Variants in FAM171A1 observed in about 807,000 individuals in gnomAD.
FAM171A1 encodes the protein protein FAM171A1.
In FAM171A1, 23 loss-of-function variants were observed where a neutral mutation model predicts 74.9. The ratio of observed to expected loss-of-function variants is 0.31; its 90% CI spans 0.22 to 0.44. The LOEUF is 0.44. Ranked by LOEUF, FAM171A1 falls within the 20% of genes least tolerant of loss-of-function variation. FAM171A1 has a pLI of 1.00. For missense variants in FAM171A1, 1,162 were observed against 1,159.2 expected, an observed-to-expected ratio of 1.00 and a Z score of -0.03; for synonymous variants, 527 against 505.7, an observed-to-expected ratio of 1.04 and a Z score of -0.57.
Position 15,254,887 on chromosome 10 carries a change from G to GATTAACCTCCGAGTT in FAM171A1, c.419-23_419-9dup, listed in dbSNP as rs1564624125. ...GAGGCTGTGGCCGGGCACCTGCAGA[G>GATTAACCTCCGAGTT]ATTAACCTCCGAGTTATCTCCCCCA... On this transcript the variant is annotated splice_polypyrimidine_tract_variant and intron_variant, in intron 3 of 7. Transcript: ENST00000378116. The GATTAACCTCCGAGTT allele has an allele frequency of 6.2e-7, 1 of 1,610,480 alleles. No individual in the cohort carries two copies. The highest frequency in any genetic ancestry group is 8.5e-7 in the Non-Finnish European group (1 of 1,177,476).
chr10:15,317,131 G>A (rs530247690), intron 1 of FAM171A1, among the ~76,000 whole-genome samples: 19 of 152,228 alleles, frequency 1.2e-4, no homozygotes, highest in Non-Finnish European at 2.1e-4. Context: ...AGGACACAGG[G>A]AGGGGCCACC....
chr10:15,329,499 A>G (rs71485559), intron 1 of FAM171A1, among the ~76,000 whole-genome samples: 11,033 of 152,224 alleles, frequency 0.072, 511 homozygotes, highest in Middle Eastern at 0.11. Flanking sequence ...ACCTGTGCAC[A>G]TCTGGAGTCC....
intron 3 of FAM171A1, among the ~76,000 whole-genome samples, chr10:15,269,450 T>C (rs1022391009): frequency 1.3e-5 from 2 of 152,084 alleles, no homozygotes; most frequent in Non-Finnish European, 2.9e-5. Flanking sequence ...AGTATGCTCT[T>C]AGCACAGAAA....
intron 1 of FAM171A1, among the ~76,000 whole-genome samples, chr10:15,368,035 T>C (rs1394398878): frequency 1.3e-5 from 2 of 152,226 alleles, no homozygotes; most frequent in East Asian, 3.8e-4. Flanking sequence ...AATGGGTCAA[T>C]ACTTTTGAAC....
chr10:15,223,078 G>A (rs538391993), intron 5 of FAM171A1, among the ~76,000 whole-genome samples: 8 of 152,346 alleles, frequency 5.3e-5, no homozygotes, highest in Middle Eastern at 3.4e-3. Flanking sequence ...GGTGGCTCAC[G>A]CCTATAGTCC....
intron 1 of FAM171A1, among the ~76,000 whole-genome samples, chr10:15,320,583 C>A (rs1048828090): frequency 6.6e-6 from 1 of 152,168 alleles, no homozygotes; most frequent in Non-Finnish European, 1.5e-5. Flanking sequence ...TACATTCCCA[C>A]CAGCAGTGTA....
At chr10:15,303,880 T>C (rs1914547) in intron 1 of FAM171A1, among the ~76,000 whole-genome samples, 115,406 of 152,180 alleles carry the variant, frequency 0.76, 43,872 homozygotes, top group East Asian at 0.92. Flanking sequence ...GCAGAAAAGT[T>C]CACGTATGAA....
Position 15,212,811 on chromosome 10 carries a change from A to G in FAM171A1, c.*104T>C, listed in dbSNP as rs1202074585. 1 of 1,454,184 alleles carries G rather than the reference A, an allele frequency of 6.9e-7. No individual in the cohort carries two copies. Among genetic ancestry groups the G allele is most frequent in the African/African-American group, 1.4e-5 (1 of 70,652 alleles). 90.1% of individuals were successfully genotyped at this position (1,454,184 alleles called of 1,614,324 possible). ...TGCAGTAAACGTCCACGTCCGTCCC[A>G]CGGCTGGGCTGCCGTTCCGTTTCCT... On this transcript the variant is annotated 3_prime_UTR_variant, in exon 8 of 8. Transcript: ENST00000378116.
Position 15,284,011 on chromosome 10 carries a change from G to A in FAM171A1, c.192C>T (p.Ala64=), listed in dbSNP as rs758842417. The change falls in exon 2 of 8, where the codon GCC becomes GCT. Residue 64 remains alanine, a synonymous_variant. Coordinates refer to ENST00000378116, the MANE Select transcript of FAM171A1 (RefSeq NM_001010924.2). ...IEIFTNQASI[A]SGTSGTDGVA... The stretch of plus-strand genomic sequence containing the variant: ...CGCCATCAGTCCCCGAGGTGCCAGA[G>A]GCTATGGAGGCCTGGTTGGTGAAGA... 6.2e-7 allele frequency: 1 copy of A among 1,614,186 alleles called. No individual in the cohort carries two copies. The highest frequency in any genetic ancestry group is 2.2e-5 in the East Asian group (1 of 44,884).
At chr10:15,278,663 A>G (rs1338100633) in intron 2 of FAM171A1, among the ~76,000 whole-genome samples, 1 of 152,214 alleles carries the variant, frequency 6.6e-6, no homozygotes, top group African/African-American at 2.4e-5. Flanking sequence ...AAAGCCACGT[A>G]TTCCAAGATT....
intron 1 of FAM171A1, among the ~76,000 whole-genome samples, chr10:15,369,114 T>C (rs1348869537): frequency 6.6e-6 from 1 of 151,940 alleles, no homozygotes; most frequent in Non-Finnish European, 1.5e-5. Flanking sequence ...ACCATTTCCC[T>C]CCCATTTCGC....
At chr10:15,372,527 C>A (rs962389164), upstream of FAM171A1, among the ~76,000 whole-genome samples, 1 of 74,280 alleles carries the variant, frequency 1.3e-5, no homozygotes, top group African/African-American at 4.8e-5. Context: ...GAAACCCTGT[C>A]TCTACCAAAA....
intron 1 of FAM171A1, among the ~76,000 whole-genome samples, chr10:15,324,256 T>C (rs755393481): frequency 1.9e-4 from 29 of 152,096 alleles, no homozygotes; most frequent in Non-Finnish European, 3.5e-4. Context: ...TTTCTCCGTC[T>C]TTTCCTAAAG....
At chr10:15,361,295 A>G (rs1835990291) in intron 1 of FAM171A1, among the ~76,000 whole-genome samples, 1 of 152,202 alleles carries the variant, frequency 6.6e-6, no homozygotes, top group South Asian at 2.1e-4. Flanking sequence ...GGTGCAAGGA[A>G]ACCACACCAC....
At chr10:15,299,503 T>TTC (rs1284209359) in intron 1 of FAM171A1, among the ~76,000 whole-genome samples, 2 of 151,882 alleles carry the variant, frequency 1.3e-5, no homozygotes, top group Non-Finnish European at 2.9e-5. Context: ...TTTTGTTTTT[T>TTC]TGTCTAGGGC....
intron 1 of FAM171A1, among the ~76,000 whole-genome samples, chr10:15,367,838 A>G (rs545432046): frequency 6.6e-6 from 1 of 152,346 alleles, no homozygotes; most frequent in African/African-American, 2.4e-5. Context: ...ACATCATCCA[A>G]TAAGATGTCT....
At chr10:15,219,046 G>A (rs1402441580) in intron 6 of FAM171A1, among the ~76,000 whole-genome samples, 1 of 152,138 alleles carries the variant, frequency 6.6e-6, no homozygotes, top group African/African-American at 2.4e-5. Context: ...ACTTTGGGAG[G>A]CTGAGGCGGG....
chr10:15,231,497 A>T (rs1271138588), intron 5 of FAM171A1, among the ~76,000 whole-genome samples: 1 of 152,070 alleles, frequency 6.6e-6, no homozygotes, highest in African/African-American at 2.4e-5. Flanking sequence ...GCCACCGTGC[A>T]CAGCCCTGAG....
intron 1 of FAM171A1, among the ~76,000 whole-genome samples, chr10:15,348,786 C>G (rs1835846008): frequency 6.6e-6 from 1 of 152,210 alleles, no homozygotes; most frequent in African/African-American, 2.4e-5. Flanking sequence ...GTGAGAAAAG[C>G]TGGCTGAGTG....
Sources: allele counts gnomAD v4.1 joint callset (sites outside exome capture counted in the v4.1 genomes callset), GRCh38; gene constraint gnomAD v4.1.1; transcripts MANE v1.5; gene names NCBI Gene and HGNC (gene_info 2026-07-23, HGNC 2026-07-21).